The following CADPS2 variants were observed in gnomAD, a reference collection of about 807,000 sequenced individuals.
The protein encoded by CADPS2 is calcium-dependent secretion activator 2.
CADPS2 carries 93 observed loss-of-function variants against 172.5 expected under a neutral mutation model. The observed-to-expected ratio is 0.54, with a 90% CI of 0.46 to 0.64. The LOEUF is 0.64. Among genes scored for constraint, CADPS2 ranks in the 30% least tolerant of loss-of-function variants. CADPS2 has a pLI of 0.00. For missense variants in CADPS2, 1,420 were observed against 1,565.9 expected (o/e 0.91, Z 1.57); for synonymous variants, 546 against 555.2 (o/e 0.98, Z 0.23).
chr7:122,542,313 G>A (rs1331333768), intron 8 of CADPS2, among the ~76,000 whole-genome samples: 1 of 152,030 alleles, frequency 6.6e-6, no homozygotes, highest in African/African-American at 2.4e-5. Context: ...TTTTAATTAT[G>A]TATTAACATT....
intron 7 of CADPS2, among the ~76,000 whole-genome samples, chr7:122,560,073 T>C (rs1284731191): frequency 1.3e-5 from 2 of 152,124 alleles, no homozygotes; most frequent in Non-Finnish European, 2.9e-5. Context: ...GGAAAAAGTT[T>C]AGTTGCGGCC....
At chr7:122,547,508 TA>T (rs1275002391) in intron 8 of CADPS2, among the ~76,000 whole-genome samples, 3 of 152,022 alleles carry the variant, frequency 2.0e-5, no homozygotes, top group African/African-American at 4.8e-5. Context: ...TATTCTTTTC[TA>T]AAAAAAATTC....
At position 122,436,452 on chromosome 7, in the gene CADPS2, C is replaced by A; in HGVS notation, c.2476+1889G>T. 3 of 764,036 alleles carry A rather than the reference C, an allele frequency of 3.9e-6. No homozygotes were observed. In the South Asian group the frequency reaches 4.8e-5, roughly 12 times the overall value. 47.3% of individuals were successfully genotyped at this position (764,036 alleles called of 1,614,324 possible). ...TTGTCGTTCATATAATGTAAAAGGC[C>A]ACTTTCTAACTTAAGTTTGATTTGG... is the stretch of plus-strand genomic sequence containing the variant. On this transcript the variant is annotated intron_variant, in intron 17 of 29. Transcript: ENST00000449022.
At chr7:122,650,884 T>C (rs1204554155) in intron 3 of CADPS2, among the ~76,000 whole-genome samples, 3 of 151,928 alleles carry the variant, frequency 2.0e-5, no homozygotes, top group Non-Finnish European at 4.4e-5. Context: ...TACCAAAAAT[T>C]TAACACATAT....
chr7:122,375,512 G>A (rs2042236617), intron 25 of CADPS2, among the ~76,000 whole-genome samples: 1 of 151,984 alleles, frequency 6.6e-6, no homozygotes, highest in Non-Finnish European at 1.5e-5. Flanking sequence ...ATAGTGCTGG[G>A]AAAAGTGGAT....
At chr7:122,604,101 C>G (rs981239341) in intron 6 of CADPS2, among the ~76,000 whole-genome samples, 1 of 152,132 alleles carries the variant, frequency 6.6e-6, no homozygotes, top group South Asian at 2.1e-4. Flanking sequence ...TTTTACAACA[C>G]AAAAATTCTA....
At chr7:122,691,788 C>T (rs558735938) in intron 2 of CADPS2, among the ~76,000 whole-genome samples, 2 of 152,252 alleles carry the variant, frequency 1.3e-5, no homozygotes, top group Admixed American at 6.5e-5. Context: ...CCAGCAAGTC[C>T]GTGACAGACA....
chr7:122,373,499 C>G (rs1003226648), intron 25 of CADPS2, among the ~76,000 whole-genome samples: 1 of 152,058 alleles, frequency 6.6e-6, no homozygotes, highest in Admixed American at 6.6e-5. Flanking sequence ...GCCTGTGGAC[C>G]CTGGTATCAC....
rs1377560074 is a variant in CADPS2 at position 122,886,169 on chromosome 7, C to T, written c.169G>A (p.Val57Met). Residue 57 changes from valine to methionine, a missense_variant, in exon 1 of 30, where the codon GTG (valine) becomes ATG (methionine). Physicochemically the swap from Val to Met is conservative, Grantham distance 21. Coordinates refer to ENST00000449022, the MANE Select transcript of CADPS2 (RefSeq NM_017954.11). ...RAGGGGAARS[V>M]SPSPSVLSEG... The stretch of plus-strand genomic sequence containing the variant: ...CTGAGCACAGAGGGGCTCGGGCTCA[C>T]AGATCTGGCCGCGCCGCCGCCGCCC... 2 of 1,492,256 alleles carry T rather than the reference C, an allele frequency of 1.3e-6. No individual in the cohort carries two copies. Among genetic ancestry groups the T allele is most frequent in the Non-Finnish European group, 1.8e-6 (2 of 1,128,396 alleles). The allele number at this position is 1,492,256 out of a possible 1,614,324, so 92.4% of individuals were successfully genotyped here.
chr7:122,724,095 T>C lies in CADPS2; in HGVS notation c.453+12860A>G, dbSNP rs1345277362. 7.3e-5 allele frequency among the ~76,000 whole-genome samples: 11 copies of C among 151,682 alleles called. No homozygotes were observed. In the East Asian group the frequency reaches 2.1e-3, roughly 29 times the overall value. ...CTAATGTAAATGACGAGTTGATGGG[T>C]GCAGCACAGCAACATGACACATGTA... is the stretch of plus-strand genomic sequence containing the variant. On this transcript the variant is annotated intron_variant, in intron 2 of 29. Coordinates refer to ENST00000449022, the MANE Select transcript of CADPS2 (RefSeq NM_017954.11).
intron 1 of CADPS2, among the ~76,000 whole-genome samples, chr7:122,774,320 CAAAA>C (rs2093807099): frequency 4.8e-5 from 7 of 146,188 alleles, no homozygotes; most frequent in Middle Eastern, 3.5e-3. Flanking sequence ...ACTCTGGAAA[CAAAA>C]GAACTGACAA....
intron 1 of CADPS2, among the ~76,000 whole-genome samples, chr7:122,757,281 G>A (rs1407686000): frequency 6.6e-6 from 1 of 151,832 alleles, no homozygotes; most frequent in African/African-American, 2.4e-5. Flanking sequence ...CAAATAGCTG[G>A]GACTTGGGAG....
At chr7:122,622,429 T>C (rs993720091) in intron 4 of CADPS2, among the ~76,000 whole-genome samples, 1 of 152,228 alleles carries the variant, frequency 6.6e-6, no homozygotes, top group Non-Finnish European at 1.5e-5. Flanking sequence ...TGCTAAATTA[T>C]ATCAGCATTG....
chr7:122,532,196 T>C (rs1182015256), intron 8 of CADPS2, among the ~76,000 whole-genome samples: 1 of 152,184 alleles, frequency 6.6e-6, no homozygotes, highest in Non-Finnish European at 1.5e-5. Flanking sequence ...TCTCAAATTG[T>C]TCCTTTTTGA....
At chr7:122,610,237 C>T (rs2074123803) in intron 6 of CADPS2, among the ~76,000 whole-genome samples, 1 of 151,752 alleles carries the variant, frequency 6.6e-6, no homozygotes, top group Non-Finnish European at 1.5e-5. Flanking sequence ...TGTTCATGCA[C>T]TTGTTCCCCA....
chr7:122,525,409 C>T (rs1055765511), intron 8 of CADPS2, among the ~76,000 whole-genome samples: 1 of 152,286 alleles, frequency 6.6e-6, no homozygotes, highest in Non-Finnish European at 1.5e-5. Flanking sequence ...GCCTCTTCTA[C>T]GAAAACTATG....
At chr7:122,509,790 G>A (rs1009931918) in intron 9 of CADPS2, among the ~76,000 whole-genome samples, 1 of 152,014 alleles carries the variant, frequency 6.6e-6, no homozygotes, top group Non-Finnish European at 1.5e-5. Context: ...TGTACAATGG[G>A]TATAATAATA....
At chr7:122,739,358 A>G (rs1179272074) in intron 1 of CADPS2, among the ~76,000 whole-genome samples, 1 of 152,212 alleles carries the variant, frequency 6.6e-6, no homozygotes, top group African/African-American at 2.4e-5. Context: ...ATTTTATTTT[A>G]TCAAAGATAT....
At chr7:122,583,793 T>C (rs1397784582) in intron 6 of CADPS2, among the ~76,000 whole-genome samples, 1 of 151,148 alleles carries the variant, frequency 6.6e-6, no homozygotes, top group African/African-American at 2.4e-5. Flanking sequence ...AACATACATA[T>C]CATATACATC....
Sources: allele counts gnomAD v4.1 joint callset (sites outside exome capture counted in the v4.1 genomes callset), GRCh38; gene constraint gnomAD v4.1.1; transcripts MANE v1.5; gene names NCBI Gene and HGNC (gene_info 2026-07-23, HGNC 2026-07-21).